The following FCHSD1 variants were observed in gnomAD, a reference collection of about 807,000 sequenced individuals.
FCHSD1 encodes the protein F-BAR and double SH3 domains protein 1.
A neutral mutation model predicts 101.3 loss-of-function variants in FCHSD1; 109 were observed. The ratio of observed to expected loss-of-function variants is 1.08; its 90% confidence interval spans 0.92 to 1.26. FCHSD1 has a LOEUF of 1.26. Ranked by LOEUF, FCHSD1 falls within the 50% of genes most tolerant of loss-of-function variation. FCHSD1 has a pLI of 0.00. For missense variants in FCHSD1, 820 were observed against 895.8 expected (o/e 0.92, Z 1.08); for synonymous variants, 291 against 356.8 (o/e 0.82, Z 2.08).
chr5:141,647,570 T>C, intron 8 of FCHSD1, 50 bp from the exon 9 acceptor site: 1 of 1,598,874 alleles, frequency 6.3e-7, no homozygotes, highest in Non-Finnish European at 8.5e-7. Context: ...AGACCTCTAC[T>C]GTAAAATAGG....
chr5:141,639,521 C>A lies in FCHSD1; in HGVS notation c.*1977G>T, dbSNP rs2099906582. On this transcript the variant is annotated 3_prime_UTR_variant, in exon 20 of 20. Transcript: ENST00000435817. This position sits in a 1 kb window ranked among gnomAD's most constrained non-coding sequence, Gnocchi z 4.4. ...CCCCCTCCCATCATCACACAGTGCA[C>A]CTGGGCTCTGCAGCCCCTTGCCTCC... 15 of 1,613,920 alleles carry A rather than the reference C, an allele frequency of 9.3e-6. No homozygotes were observed. Among genetic ancestry groups the A allele is most frequent in the Non-Finnish European group, 1.3e-5 (15 of 1,179,996 alleles).
Position 141,640,711 on chromosome 5 carries a change from A to AG in FCHSD1, c.*786dup. 1.3e-6 allele frequency: 2 copies of AG among 1,531,608 alleles called. No homozygotes were observed. The highest frequency in any genetic ancestry group is 8.7e-7 in the Non-Finnish European group (1 of 1,144,192). The allele number at this position is 1,531,608 out of a possible 1,614,324, so 94.9% of individuals were successfully genotyped here. On this transcript the variant is annotated 3_prime_UTR_variant, in exon 20 of 20. Coordinates refer to ENST00000435817, the MANE Select transcript of FCHSD1 (RefSeq NM_033449.3). ...TGATGGACTACCAGCTGGCAGGGCC[A>AG]GGGGGTGGGTGGGCGTGAAAGCCCT...
At chr5:141,646,966 G>A (rs1292064727) in intron 10 of FCHSD1, among the ~76,000 whole-genome samples, 169 bp downstream of exon 10, 1 of 152,236 alleles carries the variant, frequency 6.6e-6, no homozygotes, top group Non-Finnish European at 1.5e-5. Flanking sequence ...GTGGACTGAG[G>A]TGTGTTTTTT....
At chr5:141,642,650 A>G (rs1240840515) in intron 18 of FCHSD1, 1 of 544,070 alleles carries the variant, frequency 1.8e-6, no homozygotes, top group African/African-American at 2.0e-5. Context: ...GAAGTTAGCT[A>G]ATTTTTAAAA....
chr5:141,647,365 C>A, intron 9 of FCHSD1, 33 bp downstream of exon 9: 1 of 1,575,732 alleles, frequency 6.3e-7, no homozygotes. Context: ...AAAAAGGATC[C>A]CCGGGGAAGC....
chr5:141,641,276 G>T lies in FCHSD1; in HGVS notation c.*222C>A. Reference sequence around the variant, plus strand: ...CACCCTAGATAGGGTCATGACAGAAGAGAAGGTAGTTCCGGTCCTAGAGAT... The same window carrying T: ...CACCCTAGATAGGGTCATGACAGAATAGAAGGTAGTTCCGGTCCTAGAGAT... On this transcript the variant is annotated 3_prime_UTR_variant, in exon 20 of 20. Coordinates refer to ENST00000435817, the MANE Select transcript of FCHSD1 (RefSeq NM_033449.3). 2.2e-6 allele frequency: 1 copy of T among 450,194 alleles called. No individual in the cohort carries two copies. The highest frequency in any genetic ancestry group is 3.9e-6 in the Non-Finnish European group (1 of 258,184). 27.9% of individuals were successfully genotyped at this position (450,194 alleles called of 1,614,324 possible).
At position 141,649,167 on chromosome 5, in the gene FCHSD1, C is replaced by A; in HGVS notation, c.512+5G>T. On this transcript the variant is annotated splice_donor_5th_base_variant and intron_variant, in intron 6 of 19. Coordinates refer to ENST00000435817, the MANE Select transcript of FCHSD1 (RefSeq NM_033449.3). This position sits in a 1 kb window ranked among gnomAD's most constrained non-coding sequence, Gnocchi z 4.1. ...CTTGGGCTTCCTCACTCTCCATGAC[C>A]CCACCTGGCCTGGACATCAGCCGCC... The A allele has an allele frequency of 6.2e-7, 1 of 1,614,006 alleles. No individual in the cohort carries two copies. The highest frequency in any genetic ancestry group is 2.2e-5 in the East Asian group (1 of 44,882).
In FCHSD1 at chr5:141,640,216, GA is replaced by G; in HGVS notation, c.*1281del. On this transcript the variant is annotated 3_prime_UTR_variant, in exon 20 of 20. Coordinates refer to ENST00000435817, the MANE Select transcript of FCHSD1 (RefSeq NM_033449.3). ...TCTGCAGAGCCAACACTGAGGGCCG[GA>G]GGGAGGGGCCCAAGCCCAGGGCTGC... 2 of 1,614,192 alleles carry G rather than the reference GA, an allele frequency of 1.2e-6. No homozygotes were observed. The highest frequency in any genetic ancestry group is 8.5e-7 in the Non-Finnish European group (1 of 1,180,012).
At chr5:141,650,992 T>G (rs1384886319) in intron 2 of FCHSD1, 28 bp downstream of exon 2, 5 of 1,549,476 alleles carry the variant, frequency 3.2e-6, no homozygotes, top group Non-Finnish European at 4.4e-6. Context: ...CGAAGGTGAG[T>G]GTAAATGAAG....
In FCHSD1 at chr5:141,642,927, G is replaced by A. The variant is rs76141781; in HGVS notation, c.1951+74C>T. The A allele has an allele frequency of 3.0e-3, 4,289 of 1,430,316 alleles. 98 individuals are homozygous for A. The African/African-American group carries it at 0.054, about 18-fold the overall frequency. 88.6% of individuals were successfully genotyped at this position (1,430,316 alleles called of 1,614,324 possible). A position where few individuals can be genotyped will look rare whatever the true frequency, so the allele number is the denominator to read the frequency against. ...CTGAAGGCACGGAGAGGACCAGAGC[G>A]TGACCTGGGAGTCCAAGCTTCCTCC... On this transcript the variant is annotated intron_variant, in intron 18 of 19. Transcript: ENST00000435817.
chr5:141,650,067 T>A (rs2099908172), intron 3 of FCHSD1, 113 bp from the exon 4 acceptor site: 1 of 1,144,192 alleles, frequency 8.7e-7, no homozygotes, highest in African/African-American at 1.6e-5. Context: ...ATGTGCCACT[T>A]GCTTTGCTAA....
At chr5:141,643,401 C>G (rs1270781382) in intron 17 of FCHSD1, among the ~76,000 whole-genome samples, 2 of 152,204 alleles carry the variant, frequency 1.3e-5, no homozygotes, top group African/African-American at 2.4e-5. Context: ...CCAGGTTAAG[C>G]CAGCTGTCCA....
In FCHSD1 at chr5:141,644,613, GCT is replaced by G. The variant is rs771026212; in HGVS notation, c.1600_1601del (p.Ser534GlnfsTer5). 17 of 1,613,990 alleles carry G rather than the reference GCT, an allele frequency of 1.1e-5. 1 individual carries two copies. The South Asian group carries it at 1.9e-4, about 18-fold the overall frequency. On this transcript the variant is annotated frameshift_variant, in exon 16 of 20. Coordinates refer to ENST00000435817, the MANE Select transcript of FCHSD1 (RefSeq NM_033449.3). LOFTEE classifies it high-confidence loss of function. Reference sequence around the variant, plus strand: ...CGCAGGGATTGTCACTGTCTTGGCTGCTCTCTGGGAGGGAGAGGTCCGGGAAG... The same window carrying G: ...CGCAGGGATTGTCACTGTCTTGGCTGCTCTGGGAGGGAGAGGTCCGGGAAG... ...LNFPDLSLPE[S>X]SQDSDNPCGA... is the part of the protein sequence containing the mutation.
At chr5:141,646,377 C>T (rs1162092810) in intron 11 of FCHSD1, 186 bp from the exon 12 acceptor site, 2 of 933,278 alleles carry the variant, frequency 2.1e-6, no homozygotes, top group Non-Finnish European at 3.2e-6. Flanking sequence ...AAGTCACTCC[C>T]TTACCTGGGG....
At position 141,639,781 on chromosome 5, in the gene FCHSD1, G is replaced by A. The variant is rs2099906617; in HGVS notation, c.*1717C>T. 2 of 1,278,478 alleles carry A rather than the reference G, an allele frequency of 1.6e-6. No individual in the cohort carries two copies. The highest frequency in any genetic ancestry group is 4.0e-5 in the Admixed American group (2 of 50,612). 79.2% of individuals were successfully genotyped at this position (1,278,478 alleles called of 1,614,324 possible). ...CGGCAGAAGTCAGGCTACACAATGT[G>A]CCCCACAATCTGAGAAGGCCTCCCC... On this transcript the variant is annotated 3_prime_UTR_variant, in exon 20 of 20. Transcript: ENST00000435817. The surrounding 1 kb of genome is among the most constrained non-coding windows in gnomAD (Gnocchi z 4.4).
rs966674302 is a variant in FCHSD1, at chr5:141,649,948, G to A, written c.172C>T (p.Gln58Ter). The change falls in exon 4 of 20, where the codon CAG becomes TAG. Residue 58 changes from glutamine (Q) to a stop codon, truncating the protein, a stop_gained. Transcript: ENST00000435817. LOFTEE classifies it high-confidence loss of function. The surrounding 1 kb of genome is among the most constrained non-coding windows in gnomAD (Gnocchi z 4.1). ...TTCAGGAATGGGCCAGCCAGTTTCT[G>A]GAGTGCCTGGTGAAAAAGCCATCAC... ...AIEREYGQAL[Q>*]KLAGPFLKRE... The A allele has an allele frequency of 6.5e-7, 1 of 1,543,856 alleles. No individual in the cohort carries two copies. Among genetic ancestry groups the A allele is most frequent in the Non-Finnish European group, 8.7e-7 (1 of 1,146,014 alleles).
intron 15 of FCHSD1, 53 bp from the exon 16 acceptor site, chr5:141,644,743 C>T: frequency 6.2e-7 from 1 of 1,609,966 alleles, no homozygotes; most frequent in East Asian, 2.2e-5. Flanking sequence ...CAGTCCATGA[C>T]CCTGGCTCTC....
chr5:141,644,984 C>T, intron 14 of FCHSD1, 36 bp downstream of exon 14: 1 of 1,613,920 alleles, frequency 6.2e-7, no homozygotes, highest in South Asian at 1.1e-5. Context: ...CTGTCCCCCA[C>T]CCTTGCCCAT....
chr5:141,647,054 A>G (rs2154598433), intron 10 of FCHSD1, 81 bp downstream of exon 10: 14 of 1,353,548 alleles, frequency 1.0e-5, no homozygotes, highest in East Asian at 7.6e-5. Flanking sequence ...CTAAGTTAAC[A>G]CAAAACAAAG....
Sources: allele counts gnomAD v4.1 joint callset (sites outside exome capture counted in the v4.1 genomes callset), GRCh38; gene constraint gnomAD v4.1.1; non-coding constraint Gnocchi (gnomAD v3.1); transcripts MANE v1.5; gene names NCBI Gene and HGNC (gene_info 2026-07-23, HGNC 2026-07-21).